Variants in RSPO3 observed in about 807,000 individuals in gnomAD.
RSPO3 encodes the protein R-spondin 3, also known as R-spondin-3.
In RSPO3, 17 loss-of-function variants were observed where a neutral mutation model predicts 36.5. The ratio of observed to expected loss-of-function variants is 0.47; its 90% CI spans 0.32 to 0.70. The LOEUF (loss-of-function observed/expected upper bound fraction) is 0.70. RSPO3 is among the 30% of genes least tolerant of loss of function. The pLI, the probability that RSPO3 is intolerant of heterozygous loss-of-function variation, is 0.04. For synonymous variants in RSPO3, 108 were observed against 107.0 expected, an observed-to-expected ratio of 1.01 and a Z score of -0.06; for missense variants, 294 against 322.5, an observed-to-expected ratio of 0.91 and a Z score of 0.68.
chr6:127,180,143 T>C (rs1775151112), intron 4 of RSPO3, among the ~76,000 whole-genome samples: 1 of 151,868 alleles, frequency 6.6e-6, no homozygotes, highest in Non-Finnish European at 1.5e-5. Context: ...TATTATTGGC[T>C]CTTAAAGGCC....
intron 1 of RSPO3, among the ~76,000 whole-genome samples, chr6:127,131,961 C>T (rs1774067916): frequency 2.0e-5 from 3 of 152,074 alleles, no homozygotes; most frequent in African/African-American, 7.2e-5. Context: ...GAGCAATAAA[C>T]TAAAGTGGCT....
chr6:127,178,058 T>C (rs1331021698), intron 4 of RSPO3, among the ~76,000 whole-genome samples: 1 of 151,824 alleles, frequency 6.6e-6, no homozygotes, highest in Non-Finnish European at 1.5e-5. Flanking sequence ...TTTAGATGCA[T>C]GTCTAGGACT....
chr6:127,135,783 C>T (rs931562619), intron 1 of RSPO3, among the ~76,000 whole-genome samples: 2 of 151,892 alleles, frequency 1.3e-5, no homozygotes, highest in East Asian at 1.9e-4. Flanking sequence ...CAAAATTAGC[C>T]GGGCATGATG....
intron 4 of RSPO3, among the ~76,000 whole-genome samples, chr6:127,179,584 G>T (rs1037444372): frequency 5.3e-5 from 8 of 151,752 alleles, no homozygotes; most frequent in Non-Finnish European, 1.2e-4. Flanking sequence ...TACAAAGTTG[G>T]GTTTGTATTA....
At chr6:127,168,782 G>A (rs1279278794) in intron 4 of RSPO3, among the ~76,000 whole-genome samples, 1 of 152,068 alleles carries the variant, frequency 6.6e-6, no homozygotes, top group Non-Finnish European at 1.5e-5. Context: ...TGTATAAGGT[G>A]TAAGAAAGGG....
chr6:127,171,516 C>T (rs1774933934), intron 4 of RSPO3, among the ~76,000 whole-genome samples: 1 of 151,692 alleles, frequency 6.6e-6, no homozygotes, highest in Non-Finnish European at 1.5e-5. Context: ...CCACATTTGT[C>T]ATTATGACTA....
At position 127,199,192 on chromosome 6, in the gene RSPO3, A is replaced by T. The variant is rs1438538753; in HGVS notation, c.*3185A>T. ...TTGGGCACATTGTATGATCTCGCAG[A>T]ATATCATCCCAAATCTGCAAAATGG... On this transcript the variant is annotated 3_prime_UTR_variant, in exon 5 of 5. Coordinates refer to ENST00000356698, the MANE Select transcript of RSPO3 (RefSeq NM_032784.5). Among the ~76,000 whole-genome samples the T allele has an allele frequency of 1.3e-5, 2 of 152,192 alleles. No homozygotes were observed. The highest frequency in any genetic ancestry group is 3.9e-4 in the East Asian group (2 of 5,194).
At chr6:127,119,645 T>G (rs921778794) in intron 1 of RSPO3, among the ~76,000 whole-genome samples, 5 of 152,216 alleles carry the variant, frequency 3.3e-5, no homozygotes, top group Non-Finnish European at 7.3e-5. Context: ...CGAAGGCACT[T>G]GGGACTCCCA....
At chr6:127,130,938 C>T (rs906483333) in intron 1 of RSPO3, among the ~76,000 whole-genome samples, 8 of 152,076 alleles carry the variant, frequency 5.3e-5, no homozygotes, top group African/African-American at 1.4e-4. Context: ...TTAATTCACA[C>T]ACTCTCATTT....
Position 127,197,556 on chromosome 6 carries a change from A to G in RSPO3, c.*1549A>G. ...GACCCACCTTAACCTTCCTGTTGTC[A>G]TGGAAGGATGCACGGCTGCTCTGTC... On this transcript the variant is annotated 3_prime_UTR_variant, in exon 5 of 5. Coordinates refer to ENST00000356698, the MANE Select transcript of RSPO3 (RefSeq NM_032784.5). 1.3e-6 allele frequency: 2 copies of G among 1,548,380 alleles called. No homozygotes were observed. Among genetic ancestry groups the G allele is most frequent in the Non-Finnish European group, 1.7e-6 (2 of 1,146,202 alleles).
intron 1 of RSPO3, chr6:127,119,801 A>T (rs1773802810): frequency 6.6e-6 from 1 of 152,596 alleles, no homozygotes; most frequent in Admixed American, 6.5e-5. Context: ...CTACCCGGCC[A>T]GGAAGCCAGG....
chr6:127,170,140 G>A (rs1355226332), intron 4 of RSPO3, among the ~76,000 whole-genome samples: 6 of 151,686 alleles, frequency 4.0e-5, no homozygotes, highest in African/African-American at 1.5e-4. Flanking sequence ...GACTTTTAGT[G>A]GGCATTTGAC....
intron 1 of RSPO3, among the ~76,000 whole-genome samples, chr6:127,129,680 G>A (rs949531898): frequency 1.3e-5 from 2 of 151,988 alleles, no homozygotes; most frequent in Admixed American, 6.6e-5. Flanking sequence ...TACCATAAGC[G>A]TGCAAGAGAT....
At chr6:127,152,038 A>G (rs1346817120) in intron 3 of RSPO3, among the ~76,000 whole-genome samples, 2 of 152,146 alleles carry the variant, frequency 1.3e-5, no homozygotes, top group East Asian at 3.9e-4. Context: ...TCAGTCCTGG[A>G]AAGGCTATTT....
rs369825184 is a variant in RSPO3 at position 127,195,942 on chromosome 6, C to G, written c.754C>G (p.Gln252Glu). Residue 252 changes from glutamine (Q) to glutamate (E), a missense_variant, in exon 5 of 5, where the codon CAG becomes GAG. This residue lies in a region of RSPO3 where 190 missense variants were observed against 185.2 expected (regional missense o/e 1.03). Coordinates refer to ENST00000356698, the MANE Select transcript of RSPO3 (RefSeq NM_032784.5). ...KEIPEQRENKQQQKKRKVQDK... is the reference protein window; with the variant it reads ...KEIPEQRENKEQQKKRKVQDK... ...AATCCCAGAGCAACGAGAAAACAAA[C>G]AGCAGCAGAAGAAGCGAAAAGTCCA... 131 of 1,613,260 alleles carry G rather than the reference C, an allele frequency of 8.1e-5. 3 individuals carry two copies. The Middle Eastern group carries it at 1.5e-3, about 18-fold the overall frequency.
At chr6:127,122,505 T>C (rs1773865681) in intron 1 of RSPO3, among the ~76,000 whole-genome samples, 1 of 152,208 alleles carries the variant, frequency 6.6e-6, no homozygotes, top group Non-Finnish European at 1.5e-5. Flanking sequence ...CAGGTACTTA[T>C]CTTCCCATCT....
intron 4 of RSPO3, among the ~76,000 whole-genome samples, chr6:127,170,483 A>G (rs1391436023): frequency 6.6e-6 from 1 of 151,452 alleles, no homozygotes; most frequent in Non-Finnish European, 1.5e-5. Context: ...AGTTATACAT[A>G]TATATATAAT....
intron 4 of RSPO3, among the ~76,000 whole-genome samples, chr6:127,185,344 T>G (rs1235186006): frequency 6.6e-6 from 1 of 152,104 alleles, no homozygotes; most frequent in Non-Finnish European, 1.5e-5. Flanking sequence ...TATCATATAT[T>G]ATGGGTAAAG....
intron 1 of RSPO3, among the ~76,000 whole-genome samples, chr6:127,142,422 C>T (rs1218435665): frequency 1.3e-5 from 2 of 152,054 alleles, no homozygotes; most frequent in Admixed American, 6.6e-5. Context: ...TTAAAGTGAT[C>T]GTTGCCACCA....
Sources: gnomAD v4.1 joint callset for allele counts (sites outside exome capture counted in the v4.1 genomes callset) on GRCh38, gnomAD v4.1.1 for gene constraint, gnomAD v4.1.1 regional missense constraint, MANE v1.5 for transcripts, NCBI Gene and HGNC (gene_info 2026-07-23, HGNC 2026-07-21) for gene names.